The following ATP10A variants were observed in gnomAD, a reference collection of about 807,000 sequenced individuals.
The protein encoded by ATP10A is ATPase phospholipid transporting 10A (putative).
In ATP10A, 111 loss-of-function variants were observed where a neutral mutation model predicts 147.8. The observed-to-expected ratio is 0.75, with a 90% CI of 0.64 to 0.88. The LOEUF is 0.88. Ranked by LOEUF, ATP10A falls within the 40% of genes least tolerant of loss-of-function variation. The probability of loss-of-function intolerance (pLI) is 0.00; values close to 1 mark genes in which losing one functional copy is unlikely to be tolerated. For synonymous variants in ATP10A, 875 were observed against 841.6 expected, an observed-to-expected ratio of 1.04 and a Z score of -0.69; for missense variants, 1,927 against 1,959.0, an observed-to-expected ratio of 0.98 and a Z score of 0.31.
chr15:25,832,624 T>C lies in ATP10A; in HGVS notation c.449+30024A>G, dbSNP rs1037680654. On this transcript the variant is annotated intron_variant, in intron 1 of 20. Transcript: ENST00000555815. The stretch of plus-strand genomic sequence containing the variant: ...ATACACTCTGCTTTCGTGCGCTATA[T>C]GTGAAGCAGAAAAATAAAACAAAAA... Among the ~76,000 whole-genome samples the C allele has an allele frequency of 5.3e-5, 8 of 152,040 alleles. No homozygotes were observed. The East Asian group carries it at 1.5e-3, about 29-fold the overall frequency.
chr15:25,690,798 C>T (rs989162239), intron 15 of ATP10A, among the ~76,000 whole-genome samples: 10 of 152,188 alleles, frequency 6.6e-5, no homozygotes, highest in African/African-American at 2.4e-4. Context: ...AACATGAACA[C>T]CATTTTCAAT....
chr15:25,691,673 T>C (rs1314842016), intron 15 of ATP10A, 42 bp downstream of exon 15: 2 of 1,602,264 alleles, frequency 1.2e-6, no homozygotes, highest in South Asian at 1.1e-5. Flanking sequence ...AAGAGGTCAG[T>C]AGGGCCAATT....
Position 25,679,486 on chromosome 15 carries a change from C to G in ATP10A, c.4355G>C (p.Ser1452Thr). The G allele has an allele frequency of 6.2e-7, 1 of 1,613,992 alleles. No homozygotes were observed. The highest frequency in any genetic ancestry group is 8.5e-7 in the Non-Finnish European group (1 of 1,179,930). Reference sequence around the variant, plus strand: ...CTCCGTCCGGGAGAACTGTAAGACACTCCCCAGCCTGCTGACCAGCGACCA... The same window carrying G: ...CTCCGTCCGGGAGAACTGTAAGACAGTCCCCAGCCTGCTGACCAGCGACCA... ...SSWSLVSRLG[S>T]VLQFSRTEQL... Residue 1452 changes from serine to threonine, a missense_variant, in exon 21 of 21, where the codon AGT becomes ACT. Ser to Thr is a moderately conservative substitution (Grantham distance 58). Transcript: ENST00000555815.
chr15:25,815,676 A>AC (rs1276657663), intron 1 of ATP10A, among the ~76,000 whole-genome samples: 1 of 152,260 alleles, frequency 6.6e-6, no homozygotes, highest in Non-Finnish European at 1.5e-5. Flanking sequence ...AAAATTTGTT[A>AC]AGCTTATTTA....
intron 1 of ATP10A, among the ~76,000 whole-genome samples, chr15:25,833,750 G>A (rs1048820363): frequency 6.6e-6 from 1 of 152,200 alleles, no homozygotes; most frequent in Non-Finnish European, 1.5e-5. Context: ...GGAGGCTGAG[G>A]CGGACAGATC....
At chr15:25,705,454 C>CAAAAAAAAAAAAA (rs367718474) in intron 12 of ATP10A, among the ~76,000 whole-genome samples, 2 of 81,998 alleles carry the variant, frequency 2.4e-5, no homozygotes, top group Admixed American at 1.3e-4. Flanking sequence ...AAAAAAAAAA[C>CAAAAAAAAAAAAA]AAAAAAAAAA....
chr15:25,753,549 T>TA (rs1888261302), intron 2 of ATP10A, among the ~76,000 whole-genome samples: 1 of 150,926 alleles, frequency 6.6e-6, no homozygotes, highest in Non-Finnish European at 1.5e-5. Context: ...AAGGCACCCC[T>TA]AACTGCACCC....
intron 16 of ATP10A, among the ~76,000 whole-genome samples, chr15:25,684,617 C>A (rs1899613735): frequency 6.6e-6 from 1 of 152,122 alleles, no homozygotes; most frequent in Non-Finnish European, 1.5e-5. Context: ...TGGCTGAGGT[C>A]ACGGTGTGAG....
At chr15:25,756,876 G>GC (rs1888443006) in intron 2 of ATP10A, among the ~76,000 whole-genome samples, 1 of 152,168 alleles carries the variant, frequency 6.6e-6, no homozygotes, top group South Asian at 2.1e-4. Context: ...ACTAACATTT[G>GC]CATGTTGTAA....
intron 1 of ATP10A, among the ~76,000 whole-genome samples, chr15:25,782,482 C>A (rs148657086): frequency 1.7e-4 from 26 of 152,168 alleles, no homozygotes; most frequent in African/African-American, 5.3e-4. Flanking sequence ...TTGCATGTTT[C>A]ATCGTAATAA....
chr15:25,790,467 G>A (rs940865322), intron 1 of ATP10A, among the ~76,000 whole-genome samples: 1 of 152,160 alleles, frequency 6.6e-6, no homozygotes, highest in African/African-American at 2.4e-5. Context: ...GCTGAATGTT[G>A]TCCCAGCGGA....
At position 25,714,153 on chromosome 15, in the gene ATP10A, C is replaced by T. The variant is rs1191526366; in HGVS notation, c.1865G>A (p.Cys622Tyr). 6.2e-7 allele frequency: 1 copy of T among 1,611,006 alleles called. No homozygotes were observed. The highest frequency in any genetic ancestry group is 1.1e-5 in the South Asian group (1 of 91,086). ...GGCGGCCAGGCTCCCGATGCTGCTG[C>T]AGCCTGAGGTCAGGCAGCTGGGTGT... ...RFTPSCLTSG[C>Y]SSIGSLAANK... is the part of the protein sequence containing the mutation. The change falls in exon 10 of 21, where the codon TGC becomes TAC. Residue 622 changes from cysteine to tyrosine, a missense_variant. Coordinates refer to ENST00000555815, the MANE Select transcript of ATP10A (RefSeq NM_024490.4).
intron 1 of ATP10A, among the ~76,000 whole-genome samples, chr15:25,840,460 G>C (rs1291123530): frequency 6.6e-6 from 1 of 152,076 alleles, no homozygotes; most frequent in Non-Finnish European, 1.5e-5. Flanking sequence ...TGAGGCCCAT[G>C]CAAGTTGCTG....
Position 25,795,102 on chromosome 15 carries a change from G to GT in ATP10A, c.450-13880dup, listed in dbSNP as rs1278478945. Among the ~76,000 whole-genome samples the GT allele has an allele frequency of 2.0e-5, 3 of 152,180 alleles. No individual in the cohort carries two copies. In the East Asian group the frequency reaches 5.8e-4, roughly 29 times the overall value. On this transcript the variant is annotated intron_variant, in intron 1 of 20. Transcript: ENST00000555815. Reference sequence around the variant, plus strand: ...CTATCTTTATTTAGGAAAAACAATTGTTTTTTCTTTGGGAAAATTGTGTAG... The same window carrying GT: ...CTATCTTTATTTAGGAAAAACAATTGTTTTTTTCTTTGGGAAAATTGTGTAG...
rs375668956 is a variant in ATP10A at position 25,771,193 on chromosome 15, A to G, written c.654+9826T>C. Among the ~76,000 whole-genome samples, 13 of 152,178 alleles carry G rather than the reference A, an allele frequency of 8.5e-5. No individual in the cohort carries two copies. In the East Asian group the frequency reaches 2.3e-3, roughly 27 times the overall value. ...ACTTGTGCCTTCCCCACTGAGGTTA[A>G]CAGGGGTGCAGCACAACATGCCCCC... is the stretch of plus-strand genomic sequence containing the variant. On this transcript the variant is annotated intron_variant, in intron 2 of 20. Coordinates refer to ENST00000555815, the MANE Select transcript of ATP10A (RefSeq NM_024490.4).
intron 1 of ATP10A, among the ~76,000 whole-genome samples, chr15:25,812,346 C>T (rs1359420573): frequency 6.6e-6 from 1 of 152,166 alleles, no homozygotes; most frequent in East Asian, 1.9e-4. Context: ...GTACAAAGCT[C>T]TATTTGTTTC....
chr15:25,757,488 T>G (rs1385597967), intron 2 of ATP10A, among the ~76,000 whole-genome samples: 1 of 152,124 alleles, frequency 6.6e-6, no homozygotes. Flanking sequence ...ATATATTTTA[T>G]GTTAAAAAAG....
At chr15:25,864,351 G>A (rs80153123), upstream of ATP10A, among the ~76,000 whole-genome samples, 2,080 of 152,330 alleles carry the variant, frequency 0.014, 21 homozygotes, top group Non-Finnish European at 0.018. Flanking sequence ...ACAGAGATGA[G>A]AAGCAGTTAT....
intron 1 of ATP10A, among the ~76,000 whole-genome samples, chr15:25,799,967 T>C (rs1212507080): frequency 6.6e-6 from 1 of 152,194 alleles, no homozygotes; most frequent in Non-Finnish European, 1.5e-5. Context: ...TAGGAATTAT[T>C]GATGGATACC....
Sources: gnomAD v4.1 joint callset for allele counts (sites outside exome capture counted in the v4.1 genomes callset) on GRCh38, gnomAD v4.1.1 for gene constraint, MANE v1.5 for transcripts, NCBI Gene and HGNC (gene_info 2026-07-23, HGNC 2026-07-21) for gene names.